TUSC3: variants seen among roughly 807,000 people sequenced by gnomAD.
TUSC3 encodes the protein dolichyl-diphosphooligosaccharide--protein glycosyltransferase subunit TUSC3.
TUSC3 carries 45 observed loss-of-function variants against 44.8 expected under a neutral mutation model. That is an observed-to-expected ratio of 1.00 (90% CI 0.79 to 1.29). TUSC3 has a LOEUF of 1.29. Ranked by LOEUF, TUSC3 falls within the 50% of genes most tolerant of loss-of-function variation. TUSC3 has a pLI of 0.00. For synonymous variants in TUSC3, 212 were observed against 152.9 expected, an observed-to-expected ratio of 1.39 and a Z score of -2.85; for missense variants, 519 against 437.9, an observed-to-expected ratio of 1.19 and a Z score of -1.65.
At chr8:15,822,544 T>C in the TUSC3 span, among the ~76,000 whole-genome samples, 4 of 152,272 alleles carry the variant, frequency 2.6e-5, no homozygotes, top group African/African-American at 9.6e-5. Context: ...GTCTTGCTGA[T>C]GCTGCTGGTC....
At chr8:15,777,822 A>G in the TUSC3 span, among the ~76,000 whole-genome samples, 121 of 152,268 alleles carry the variant, frequency 7.9e-4, no homozygotes, top group African/African-American at 2.9e-3. Context: ...ATACAGACAC[A>G]CACAAGAAGT....
chr8:15,437,540 A>G (rs927861422), intron 1 of TUSC3, among the ~76,000 whole-genome samples: 2 of 152,192 alleles, frequency 1.3e-5, no homozygotes, highest in Admixed American at 6.5e-5. Flanking sequence ...CTCTTGTACT[A>G]TTTTAGAACT....
chr8:15,514,781 T>G (rs17121563), intron 2 of TUSC3, among the ~76,000 whole-genome samples: 7,001 of 152,272 alleles, frequency 0.046, 516 homozygotes, highest in African/African-American at 0.16. Flanking sequence ...TTGGAATTAG[T>G]CTGTGGCATC....
downstream of TUSC3, among the ~76,000 whole-genome samples, chr8:15,767,465 T>G (rs1812363269): frequency 6.6e-6 from 1 of 152,012 alleles, no homozygotes; most frequent in Admixed American, 6.6e-5. Flanking sequence ...CATTCCATTT[T>G]ATTGGAAATT....
chr8:15,604,368 T>C (rs1804429324), intron 1 of TUSC3, among the ~76,000 whole-genome samples: 1 of 151,708 alleles, frequency 6.6e-6, no homozygotes. Context: ...ATAAACCAAA[T>C]AGATTGCAAA....
chr8:15,586,285 T>C (rs1038287423), intron 1 of TUSC3, among the ~76,000 whole-genome samples: 2 of 152,112 alleles, frequency 1.3e-5, no homozygotes, highest in African/African-American at 4.8e-5. Flanking sequence ...TGAGAGAAGC[T>C]TGTATAAGTC....
rs575926484 is a variant in TUSC3 at position 15,606,857 on chromosome 8, A to G, written c.139-16223A>G. 2.1e-4 allele frequency among the ~76,000 whole-genome samples: 32 copies of G among 152,242 alleles called. No homozygotes were observed. The East Asian group carries it at 5.0e-3, about 24-fold the overall frequency. ...TGAAAGATGTTACCAATGCATAGCC[A>G]TATTGTATCCCTTGGTACAGTTTTA... On this transcript the variant is annotated intron_variant, in intron 1 of 10. Coordinates refer to ENST00000503731, the MANE Select transcript of TUSC3 (RefSeq NM_006765.4).
chr8:15,444,173 A>G (rs1237319114), intron 1 of TUSC3, among the ~76,000 whole-genome samples: 1 of 152,220 alleles, frequency 6.6e-6, no homozygotes, highest in East Asian at 1.9e-4. Context: ...CTCCAGCTGC[A>G]GTATATGACA....
chr8:15,567,687 C>G (rs544391849), intron 1 of TUSC3, among the ~76,000 whole-genome samples: 7 of 152,158 alleles, frequency 4.6e-5, no homozygotes, highest in Non-Finnish European at 8.8e-5. Flanking sequence ...GGGATAGATA[C>G]TAGGGTGAAA....
chr8:15,615,963 C>T (rs1804969734), intron 1 of TUSC3, among the ~76,000 whole-genome samples: 2 of 152,130 alleles, frequency 1.3e-5, no homozygotes, highest in African/African-American at 4.8e-5. Flanking sequence ...TCTTGAGTAG[C>T]TAGGACCACG....
intron 2 of TUSC3, among the ~76,000 whole-genome samples, chr8:15,521,609 A>G (rs1343782585): frequency 6.9e-6 from 1 of 144,468 alleles, no homozygotes; most frequent in Non-Finnish European, 1.5e-5. Flanking sequence ...ACGATAGGTA[A>G]TTACCCCCCC....
chr8:15,758,545 G>C (rs1469535478), intron 10 of TUSC3, among the ~76,000 whole-genome samples: 1 of 151,954 alleles, frequency 6.6e-6, no homozygotes, highest in Non-Finnish European at 1.5e-5. Context: ...AGCAGCTCTG[G>C]AGACTTAATT....
At chr8:15,783,921 TGGGGAGA>T in the TUSC3 span, among the ~76,000 whole-genome samples, 3 of 152,016 alleles carry the variant, frequency 2.0e-5, no homozygotes, top group Non-Finnish European at 4.4e-5. Flanking sequence ...AACGCACAGA[TGGGGAGA>T]AAATGTTAGC....
At chr8:15,501,730 A>G (rs1187480640) in intron 2 of TUSC3, among the ~76,000 whole-genome samples, 1 of 152,198 alleles carries the variant, frequency 6.6e-6, no homozygotes, top group Non-Finnish European at 1.5e-5. Flanking sequence ...AGTAATAGTG[A>G]TAGATAACAC....
At chr8:15,564,066 A>G (rs1802577692) in intron 1 of TUSC3, among the ~76,000 whole-genome samples, 1 of 152,150 alleles carries the variant, frequency 6.6e-6, no homozygotes, top group African/African-American at 2.4e-5. Flanking sequence ...TATAGGAGAA[A>G]CCATTATTAT....
chr8:15,518,258 C>T (rs73193331), intron 2 of TUSC3, among the ~76,000 whole-genome samples: 2,098 of 152,026 alleles, frequency 0.014, 21 homozygotes, highest in Middle Eastern at 0.024. Flanking sequence ...TGTAAAATAC[C>T]GTATCTTTTC....
chr8:15,850,717 A>AT, the TUSC3 span, among the ~76,000 whole-genome samples: 1 of 152,238 alleles, frequency 6.6e-6, no homozygotes, highest in Non-Finnish European at 1.5e-5. Context: ...TGACCAACTA[A>AT]TTTTAACACG....
At chr8:15,427,519 C>T (rs1024355993) in intron 1 of TUSC3, among the ~76,000 whole-genome samples, 19 of 152,180 alleles carry the variant, frequency 1.2e-4, no homozygotes, top group Admixed American at 9.8e-4. Flanking sequence ...AGTATGCCAA[C>T]GTATAAAACC....
At chr8:15,449,541 G>A (rs1168081419) in intron 1 of TUSC3, among the ~76,000 whole-genome samples, 2 of 152,104 alleles carry the variant, frequency 1.3e-5, no homozygotes, top group African/African-American at 4.8e-5. Context: ...TAAAATCAGT[G>A]GTGGAGGACT....
Sources: allele counts gnomAD v4.1 joint callset (sites outside exome capture counted in the v4.1 genomes callset), GRCh38; gene constraint gnomAD v4.1.1; transcripts MANE v1.5; gene names NCBI Gene and HGNC (gene_info 2026-07-23, HGNC 2026-07-21).